BEND6: variants seen among roughly 807,000 people sequenced by gnomAD.
The protein encoded by BEND6 is BEN domain-containing protein 6.
In BEND6, 24 loss-of-function variants were observed where a neutral mutation model predicts 31.8. The observed-to-expected ratio is 0.75, with a 90% CI of 0.55 to 1.06. The LOEUF (loss-of-function observed/expected upper bound fraction) is 1.06. Ranked by LOEUF, BEND6 falls within the 50% of genes least tolerant of loss-of-function variation. BEND6 has a pLI of 0.00. For missense variants in BEND6, 294 were observed against 327.4 expected, an observed-to-expected ratio of 0.90 and a Z score of 0.79; for synonymous variants, 109 against 114.6, an observed-to-expected ratio of 0.95 and a Z score of 0.31.
chr6:56,986,897 C>T (rs556332159), intron 2 of BEND6, among the ~76,000 whole-genome samples: 13 of 152,184 alleles, frequency 8.5e-5, no homozygotes, highest in Admixed American at 4.6e-4. Flanking sequence ...CATCCTGGCA[C>T]ACACTGCCAT....
chr6:56,957,843 A>G (rs1054834910), intron 1 of BEND6, among the ~76,000 whole-genome samples: 1 of 152,238 alleles, frequency 6.6e-6, no homozygotes, highest in African/African-American at 2.4e-5. Flanking sequence ...GGTCCATTAT[A>G]TAGCCCTTCT....
chr6:56,968,312 C>CTTTTTTTTTTTTTTTT (rs779756084), intron 1 of BEND6, among the ~76,000 whole-genome samples: 24 of 65,978 alleles, frequency 3.6e-4, no homozygotes, highest in South Asian at 8.3e-4. Flanking sequence ...TCTTTCTTTT[C>CTTTTTTTTTTTTTTTT]TTTTTTTTTT....
intron 1 of BEND6, 52 bp downstream of exon 1, chr6:56,955,512 G>T (rs1824705777): frequency 6.6e-6 from 1 of 152,318 alleles, no homozygotes; most frequent in South Asian, 2.1e-4. Context: ...CGAGCGCCGG[G>T]AAGGGCCTTC....
rs1827911503 is a variant in BEND6 at position 57,026,626 on chromosome 6, G to A, written c.*554G>A. On this transcript the variant is annotated 3_prime_UTR_variant, in exon 7 of 7. Coordinates refer to ENST00000370746, the MANE Select transcript of BEND6 (RefSeq NM_152731.3). ...TAATCATGTCTAACCAAGTAATAAT[G>A]TTTTAGCAATAAAATTACAGGATTA... The A allele has an allele frequency of 6.6e-6, 1 of 152,088 alleles. No homozygotes were observed. The allele number at this position is 152,088 out of a possible 1,614,324, so 9.4% of individuals were successfully genotyped here.
At chr6:56,989,503 G>A (rs1442472068) in intron 2 of BEND6, among the ~76,000 whole-genome samples, 1 of 152,182 alleles carries the variant, frequency 6.6e-6, no homozygotes, top group Non-Finnish European at 1.5e-5. Context: ...CAGAGGGTAG[G>A]TAAATGGTAA....
In BEND6 at chr6:56,955,206, C is replaced by T. The variant is rs891697917; in HGVS notation, c.-355C>T. On this transcript the variant is annotated 5_prime_UTR_variant, in exon 1 of 7. Coordinates refer to ENST00000370746, the MANE Select transcript of BEND6 (RefSeq NM_152731.3). The stretch of plus-strand genomic sequence containing the variant: ...CACCCGGGCCTGAGAGCCCAGCGCC[C>T]TCCCGCGGGGCCGCCCGCCAGTCCG... The T allele has an allele frequency of 1.3e-5, 2 of 151,664 alleles. No individual in the cohort carries two copies. The highest frequency in any genetic ancestry group is 6.6e-5 in the Admixed American group (1 of 15,208). 9.4% of individuals were successfully genotyped at this position (151,664 alleles called of 1,614,324 possible).
chr6:57,014,471 T>C, intron 3 of BEND6: 1 of 1,511,720 alleles, frequency 6.6e-7, no homozygotes, highest in South Asian at 1.3e-5. Flanking sequence ...GGAAACAAAC[T>C]AGATATAACA....
rs560899706 is a variant in BEND6 at position 56,960,355 on chromosome 6, C to T, written c.-101+4895C>T. 5.9e-5 allele frequency among the ~76,000 whole-genome samples: 9 copies of T among 152,158 alleles called. No individual in the cohort carries two copies. The South Asian group carries it at 1.9e-3, about 32-fold the overall frequency. The stretch of plus-strand genomic sequence containing the variant: ...CAAGTTTGAAAGCTGAAGATATTGC[C>T]TTCTAGATCCAAGATGAAATTTGCC... On this transcript the variant is annotated intron_variant, in intron 1 of 6. Coordinates refer to ENST00000370746, the MANE Select transcript of BEND6 (RefSeq NM_152731.3).
At position 57,026,910 on chromosome 6, in the gene BEND6, A is replaced by G. The variant is rs762550400; in HGVS notation, c.*838A>G. 4.6e-5 allele frequency: 7 copies of G among 152,234 alleles called. No individual in the cohort carries two copies. The highest frequency in any genetic ancestry group is 5.9e-5 in the Non-Finnish European group (4 of 68,040). 9.4% of individuals were successfully genotyped at this position (152,234 alleles called of 1,614,324 possible). ...ATCAATATCACCTAACACATCGTAT[A>G]TAAGATATAACATGATAGATAGTTG... On this transcript the variant is annotated 3_prime_UTR_variant, in exon 7 of 7. Coordinates refer to ENST00000370746, the MANE Select transcript of BEND6 (RefSeq NM_152731.3).
chr6:57,025,783 G>A, intron 6 of BEND6, among the ~76,000 whole-genome samples: 1 of 152,066 alleles, frequency 6.6e-6, no homozygotes, highest in East Asian at 1.9e-4. Flanking sequence ...CCTGCTTGGA[G>A]CTTTTCGTTT....
chr6:57,011,217 T>A (rs1488014474), intron 3 of BEND6, among the ~76,000 whole-genome samples: 1 of 152,120 alleles, frequency 6.6e-6, no homozygotes, highest in Non-Finnish European at 1.5e-5. Flanking sequence ...TTAACACCAG[T>A]TGTTGGTGGC....
At chr6:57,019,625 T>A (rs947823393) in intron 6 of BEND6, among the ~76,000 whole-genome samples, 1 of 152,072 alleles carries the variant, frequency 6.6e-6, no homozygotes, top group African/African-American at 2.4e-5. Context: ...ACTCCCATCC[T>A]CCCCCAAGAG....
At chr6:57,000,536 C>A (rs972238147) in intron 3 of BEND6, among the ~76,000 whole-genome samples, 2 of 151,360 alleles carry the variant, frequency 1.3e-5, no homozygotes, top group Admixed American at 6.6e-5. Flanking sequence ...TGCCACATCC[C>A]CCTCTCCGAG....
intron 3 of BEND6, among the ~76,000 whole-genome samples, chr6:56,998,896 A>G (rs1562550511): frequency 6.6e-6 from 1 of 152,254 alleles, no homozygotes; most frequent in African/African-American, 2.4e-5. Flanking sequence ...TGCATCTGAC[A>G]TGGGGTTAAT....
At chr6:56,977,783 C>A (rs1825935806) in intron 1 of BEND6, among the ~76,000 whole-genome samples, 2 of 152,010 alleles carry the variant, frequency 1.3e-5, no homozygotes, top group Non-Finnish European at 2.9e-5. Context: ...ACAGTGAGAC[C>A]CCATCTCTAC....
intron 3 of BEND6, 81 bp from the exon 4 acceptor site, chr6:57,015,052 C>A: frequency 8.5e-7 from 1 of 1,183,114 alleles, no homozygotes; most frequent in Non-Finnish European, 1.2e-6. Context: ...TTTCTATGCA[C>A]ATACACTCAA....
At chr6:57,019,958 G>A (rs1827685383) in intron 6 of BEND6, among the ~76,000 whole-genome samples, 1 of 152,166 alleles carries the variant, frequency 6.6e-6, no homozygotes, top group South Asian at 2.1e-4. Context: ...AATTAGCCCA[G>A]CGTGGTAGTG....
intron 6 of BEND6, among the ~76,000 whole-genome samples, chr6:57,022,134 C>T (rs1033936198): frequency 1.3e-5 from 2 of 148,814 alleles, no homozygotes; most frequent in African/African-American, 2.5e-5. Flanking sequence ...GAAGTATTCC[C>T]TCCTCTTCAA....
intron 3 of BEND6, among the ~76,000 whole-genome samples, chr6:56,993,635 G>A (rs1448554080): frequency 6.6e-6 from 1 of 152,222 alleles, no homozygotes; most frequent in East Asian, 1.9e-4. Flanking sequence ...ATAGCCACAT[G>A]TAAGTAGAAA....
Sources: gnomAD v4.1 joint callset for allele counts (sites outside exome capture counted in the v4.1 genomes callset) on GRCh38, gnomAD v4.1.1 for gene constraint, MANE v1.5 for transcripts, NCBI Gene and HGNC (gene_info 2026-07-23, HGNC 2026-07-21) for gene names.